CNOT1: variants seen among roughly 807,000 people sequenced by gnomAD.
The protein encoded by CNOT1 is CCR4-NOT transcription complex subunit 1.
Under a neutral mutation model 273.8 loss-of-function variants are expected in CNOT1, and 15 were observed. That is an observed-to-expected ratio of 0.05 (90% confidence interval 0.04 to 0.08). The LOEUF (loss-of-function observed/expected upper bound fraction) is 0.08. CNOT1 is among the 10% of genes least tolerant of loss of function. CNOT1 has a pLI of 1.00. For missense variants in CNOT1, 1,644 were observed against 2,912.2 expected (o/e 0.56, Z 10.02); for synonymous variants, 1,022 against 1,005.5 (o/e 1.02, Z -0.31).
Position 58,534,175 on chromosome 16 carries a change from G to A in CNOT1, c.5867C>T (p.Thr1956Ile), listed in dbSNP as rs2039861516. ...LVKHSGEATN[T>I]VTKINLLNKV... ...GTTCAGCAGATTAATCTTTGTGACA[G>A]TGTTGGTGGCCTCCCCTGAGTGTTT... is the stretch of plus-strand genomic sequence containing the variant. Residue 1956 changes from threonine to isoleucine, a missense_variant, in exon 40 of 49, where the codon ACT (threonine) becomes ATT (isoleucine). Coordinates refer to ENST00000317147, the MANE Select transcript of CNOT1 (RefSeq NM_016284.5). 9 of 1,614,106 alleles carry A rather than the reference G, an allele frequency of 5.6e-6. No individual in the cohort carries two copies.
chr16:58,537,013 T>G lies in CNOT1; in HGVS notation c.5622A>C (p.Lys1874Asn). ...HSAAAGRDST[K>N]AFSAFVGQMH... is the part of the protein sequence containing the mutation. Reference sequence around the variant, plus strand: ...CCTGTCCAACAAATGCAGAGAAAGCTTTGGTACTGTCGCGGCCAGCTGCTG... The same window carrying G: ...CCTGTCCAACAAATGCAGAGAAAGCGTTGGTACTGTCGCGGCCAGCTGCTG... Residue 1874 changes from lysine to asparagine, a missense_variant, in exon 39 of 49, where the codon AAA becomes AAC. By Grantham distance (94) the Lys-to-Asn change is moderately conservative. This residue lies in a region of CNOT1 where 133 missense variants were observed against 328.2 expected (regional missense o/e 0.41). Coordinates refer to ENST00000317147, the MANE Select transcript of CNOT1 (RefSeq NM_016284.5). 6.2e-7 allele frequency: 1 copy of G among 1,614,200 alleles called. No homozygotes were observed.
rs2041653583 is a variant in CNOT1 at position 58,581,336 on chromosome 16, C to T, written c.1215+9G>A. 1 of 1,602,618 alleles carries T rather than the reference C, an allele frequency of 6.2e-7. No individual in the cohort carries two copies. The highest frequency in any genetic ancestry group is 1.1e-5 in the South Asian group (1 of 88,340). The stretch of plus-strand genomic sequence containing the variant: ...TTCCCCCATCTATAGCTAAATACCA[C>T]TTACTCACCTGGCCTTCAGCATGTT... On this transcript the variant is annotated intron_variant, in intron 11 of 48. Coordinates refer to ENST00000317147, the MANE Select transcript of CNOT1 (RefSeq NM_016284.5).
rs1166176757 is a variant in CNOT1, at chr16:58,523,410, C to T, written c.6877G>A (p.Ala2293Thr). The change falls in exon 47 of 49, where the codon GCA becomes ACA. Residue 2293 changes from alanine (A) to threonine (T), a missense_variant. By Grantham distance (58) the Ala-to-Thr change is moderately conservative. This residue lies in a region of CNOT1 where 140 missense variants were observed against 324.6 expected (regional missense o/e 0.43). Transcript: ENST00000317147. Reference protein sequence around the residue: ...YFSCTMLYLFAEANTEAIQEQ... With the variant: ...YFSCTMLYLFTEANTEAIQEQ... Reference sequence around the variant, plus strand: ...TGGATGGCTTCCGTATTGGCCTCTGCAAAAAGGTACAGCATGGTGCAACTG... The same window carrying T: ...TGGATGGCTTCCGTATTGGCCTCTGTAAAAAGGTACAGCATGGTGCAACTG... The T allele has an allele frequency of 6.2e-7, 1 of 1,613,778 alleles. No individual in the cohort carries two copies. The highest frequency in any genetic ancestry group is 1.7e-5 in the Admixed American group (1 of 59,994).
chr16:58,569,847 G>A (rs546944579), intron 16 of CNOT1, among the ~76,000 whole-genome samples: 4 of 152,136 alleles, frequency 2.6e-5, no homozygotes, highest in Admixed American at 6.5e-5. Context: ...CTGAAAACCC[G>A]ATAAATTTTA....
chr16:58,589,255 G>A (rs1230919407), intron 2 of CNOT1, among the ~76,000 whole-genome samples: 3 of 152,170 alleles, frequency 2.0e-5, no homozygotes, highest in African/African-American at 7.2e-5. Flanking sequence ...GCTCACGCCT[G>A]TAATCCCAGC....
chr16:58,539,684 C>A, intron 35 of CNOT1, 84 bp downstream of exon 35: 1 of 1,319,518 alleles, frequency 7.6e-7, no homozygotes, highest in Non-Finnish European at 1.0e-6. Context: ...TTAAGCATAA[C>A]TGCATAAATA....
chr16:58,539,484 C>CAT (rs72256468), intron 35 of CNOT1, among the ~76,000 whole-genome samples: 6,557 of 151,520 alleles, frequency 0.043, 417 homozygotes, highest in East Asian at 0.26. Flanking sequence ...CACACACACA[C>CAT]ACACACACAG....
chr16:58,586,850 C>T (rs879044848), intron 6 of CNOT1, 102 bp from the exon 7 acceptor site: 8 of 1,278,302 alleles, frequency 6.3e-6, no homozygotes, highest in South Asian at 2.7e-5. Context: ...TCTCATTCAC[C>T]AGTTCACCCA....
At position 58,560,319 on chromosome 16, in the gene CNOT1, C is replaced by A. The variant is rs765121906; in HGVS notation, c.2023G>T (p.Ala675Ser). ...TTATTCATAACATTACTGCAATTGG[C>A]TACCATGGTGAGGATAGTTTCTGAT... ...ELSETILTMVANCSNVMNKAR... is the reference protein window; with the variant it reads ...ELSETILTMVSNCSNVMNKAR... The change falls in exon 17 of 49, where the codon GCC becomes TCC. Residue 675 changes from alanine (A) to serine (S), a missense_variant. Ala to Ser is a moderately conservative substitution (Grantham distance 99). Around this residue, in one of 13 missense-constraint regions of CNOT1, gnomAD observed 706 missense variants for 1,021.2 expected, o/e 0.69. Coordinates refer to ENST00000317147, the MANE Select transcript of CNOT1 (RefSeq NM_016284.5). 6.2e-7 allele frequency: 1 copy of A among 1,614,024 alleles called. No individual in the cohort carries two copies. The highest frequency in any genetic ancestry group is 8.5e-7 in the Non-Finnish European group (1 of 1,180,042).
At chr16:58,625,912 C>A (rs1398745946) in intron 1 of CNOT1, among the ~76,000 whole-genome samples, 4 of 150,446 alleles carry the variant, frequency 2.7e-5, no homozygotes, top group African/African-American at 4.9e-5. Context: ...AGGTGTTGAG[C>A]CCCTTTTAAC....
intron 10 of CNOT1, among the ~76,000 whole-genome samples, chr16:58,582,235 T>C (rs1283591408): frequency 6.6e-6 from 1 of 151,794 alleles, no homozygotes; most frequent in Non-Finnish European, 1.5e-5. Flanking sequence ...GAGGGTGCAG[T>C]GAGCTGTGAT....
At position 58,539,659 on chromosome 16, in the gene CNOT1, T is replaced by A. The variant is rs534010816; in HGVS notation, c.4992+109A>T. On this transcript the variant is annotated intron_variant, in intron 35 of 48. Transcript: ENST00000317147. ...AAATCACCTACTTACAGAACTTGAT[T>A]TATATTATGAAATCTTAAGCATAAC... is the stretch of plus-strand genomic sequence containing the variant. 3.6e-5 allele frequency: 42 copies of A among 1,158,734 alleles called. No individual in the cohort carries two copies. The African/African-American group carries it at 5.3e-4, about 15-fold the overall frequency. The allele number at this position is 1,158,734 out of a possible 1,614,324, so 71.8% of individuals were successfully genotyped here.
intron 34 of CNOT1, 98 bp from the exon 35 acceptor site, chr16:58,540,057 C>G: frequency 8.0e-7 from 1 of 1,242,998 alleles, no homozygotes; most frequent in South Asian, 1.6e-5. Flanking sequence ...ATGTTTACTC[C>G]CTTTTTCTTA....
At chr16:58,602,452 T>C (rs998008005) in intron 1 of CNOT1, among the ~76,000 whole-genome samples, 1 of 142,940 alleles carries the variant, frequency 7.0e-6, no homozygotes, top group African/African-American at 2.6e-5. Context: ...ACTTGGGAGG[T>C]CGAGACAGGA....
In CNOT1 at chr16:58,538,222, G is replaced by C. The variant is rs2039978495; in HGVS notation, c.5180C>G (p.Ala1727Gly). 1 of 1,460,754 alleles carries C rather than the reference G, an allele frequency of 6.8e-7. No homozygotes were observed. Among genetic ancestry groups the C allele is most frequent in the Non-Finnish European group, 9.6e-7 (1 of 1,040,104 alleles). 90.5% of individuals were successfully genotyped at this position (1,460,754 alleles called of 1,614,324 possible). The change falls in exon 37 of 49, where the codon GCT (alanine) becomes GGT (glycine). Residue 1727 changes from alanine (A) to glycine (G), a missense_variant. By Grantham distance (60) the Ala-to-Gly change is moderately conservative. This residue lies in a region of CNOT1 where 170 missense variants were observed against 273.1 expected (regional missense o/e 0.62). Coordinates refer to ENST00000317147, the MANE Select transcript of CNOT1 (RefSeq NM_016284.5). ...CRDEYKYNVE[A>G]VELLIRNHLV... is the part of the protein sequence containing the mutation. ...ATGATTGCGAATTAGCAGCTCCACAGCCTCCACATTATATTTATATTCATC... is the reference window on the plus strand; with the variant it reads ...ATGATTGCGAATTAGCAGCTCCACACCCTCCACATTATATTTATATTCATC...
intron 1 of CNOT1, among the ~76,000 whole-genome samples, chr16:58,624,168 G>C (rs1208656814): frequency 2.6e-5 from 4 of 152,190 alleles, no homozygotes; most frequent in African/African-American, 9.6e-5. Flanking sequence ...TATGGGACTT[G>C]AGCTTTCAAC....
chr16:58,589,874 C>T (rs558679794), intron 2 of CNOT1, among the ~76,000 whole-genome samples: 73 of 152,294 alleles, frequency 4.8e-4, no homozygotes, highest in South Asian at 4.8e-3. Context: ...GATGGCTATA[C>T]ATGGTTTGTT....
At chr16:58,603,882 A>G (rs1397479858) in intron 1 of CNOT1, among the ~76,000 whole-genome samples, 1 of 152,178 alleles carries the variant, frequency 6.6e-6, no homozygotes, top group African/African-American at 2.4e-5. Flanking sequence ...TATCATACTT[A>G]TATTTTTAGT....
At chr16:58,587,001 T>C (rs1336001025) in intron 6 of CNOT1, among the ~76,000 whole-genome samples, 200 bp downstream of exon 6, 1 of 152,212 alleles carries the variant, frequency 6.6e-6, no homozygotes, top group Non-Finnish European at 1.5e-5. Context: ...TTACACAACC[T>C]GAATACAATT....
Sources: gnomAD v4.1 joint callset for allele counts (sites outside exome capture counted in the v4.1 genomes callset) on GRCh38, gnomAD v4.1.1 for gene constraint, gnomAD v4.1.1 regional missense constraint, MANE v1.5 for transcripts, NCBI Gene and HGNC (gene_info 2026-07-23, HGNC 2026-07-21) for gene names.